Variants in PFKM observed in about 807,000 individuals in gnomAD.
PFKM encodes the protein phosphofructokinase, muscle.
A neutral mutation model predicts 95.5 loss-of-function variants in PFKM; 58 were observed. That is an observed-to-expected ratio of 0.61 (90% CI 0.49 to 0.76). PFKM has a LOEUF of 0.76. Among genes scored for constraint, PFKM ranks in the 30% least tolerant of loss-of-function variants. The pLI is 0.00. For synonymous variants in PFKM, 336 were observed against 357.2 expected, an observed-to-expected ratio of 0.94 and a Z score of 0.67; for missense variants, 678 against 1,005.4, an observed-to-expected ratio of 0.67 and a Z score of 4.40.
upstream of PFKM, chr12:48,119,161 G>A (rs2137753427): frequency 2.7e-6 from 1 of 374,846 alleles, no homozygotes. Context: ...GGGGAGTGAA[G>A]GAACTAAGCC....
Position 48,145,848 on chromosome 12 carries a change from GC to G in PFKM, c.*142del. On this transcript the variant is annotated 3_prime_UTR_variant, in exon 23 of 23. Coordinates refer to ENST00000359794, the MANE Select transcript of PFKM (RefSeq NM_000289.6). The surrounding 1 kb of genome is among the most constrained non-coding windows in gnomAD (Gnocchi z 4.3). Reference sequence around the variant, plus strand: ...TACCTTGCAGCCATGACCAGTTCTGGCCAGGAGCTGGAGGAGCAGGCAGTGG... The same window carrying G: ...TACCTTGCAGCCATGACCAGTTCTGGCAGGAGCTGGAGGAGCAGGCAGTGG... 3 of 902,226 alleles carry G rather than the reference GC, an allele frequency of 3.3e-6. No individual in the cohort carries two copies. Among genetic ancestry groups the G allele is most frequent in the Non-Finnish European group, 5.2e-6 (3 of 576,702 alleles). 55.9% of individuals were successfully genotyped at this position (902,226 alleles called of 1,614,324 possible).
chr12:48,128,463 A>G (rs1455608781), intron 2 of PFKM, among the ~76,000 whole-genome samples: 1 of 152,128 alleles, frequency 6.6e-6, no homozygotes, highest in Non-Finnish European at 1.5e-5. Context: ...CTTGAAGACC[A>G]TTACCAAGTC....
intron 1 of PFKM, chr12:48,119,872 C>T (rs980254847): frequency 6.6e-6 from 1 of 152,200 alleles, no homozygotes; most frequent in East Asian, 1.9e-4. Context: ...TTTCTGTGTC[C>T]TGTGCCTCTA....
At chr12:48,107,434 G>T (rs1443786102) in exon 2 of PFKM, 1 of 1,597,596 alleles carries the variant, frequency 6.3e-7, no homozygotes, top group East Asian at 2.2e-5. Flanking sequence ...TCGCCAGTTA[G>T]TCAGGACTCC....
chr12:48,134,894 AC>A, intron 8 of PFKM, 48 bp from the exon 9 acceptor site: 2 of 1,588,064 alleles, frequency 1.3e-6, no homozygotes, highest in Non-Finnish European at 1.7e-6. Flanking sequence ...TCTCTTTCCC[AC>A]CCATCAGCTT....
intron 1 of PFKM, chr12:48,119,650 G>A (rs1948013531): frequency 6.6e-6 from 1 of 152,244 alleles, no homozygotes; most frequent in African/African-American, 2.4e-5. Flanking sequence ...GGGTGGGTGG[G>A]GCTCGGACGG....
chr12:48,143,537 T>C (rs148403299), intron 18 of PFKM, among the ~76,000 whole-genome samples: 1 of 152,352 alleles, frequency 6.6e-6, no homozygotes, highest in East Asian at 1.9e-4. Context: ...CTGTCTGTAG[T>C]GCTCCCTCTT....
At chr12:48,118,382 A>G (rs1947860216), upstream of PFKM, 1 of 669,046 alleles carries the variant, frequency 1.5e-6, no homozygotes. Context: ...TTGTCTTTCC[A>G]CTTTCTTGAT....
intron 17 of PFKM, 21 bp downstream of exon 17, chr12:48,142,087 C>G (rs779365403): frequency 1.2e-6 from 2 of 1,612,442 alleles, no homozygotes; most frequent in Non-Finnish European, 1.7e-6. Flanking sequence ...ATCACCACTT[C>G]CCATCCCTTT....
chr12:48,135,473 C>A, intron 10 of PFKM, 90 bp downstream of exon 10: 1 of 894,460 alleles, frequency 1.1e-6, no homozygotes, highest in South Asian at 1.4e-5. Flanking sequence ...CAGACAGGGA[C>A]TTACATCACT....
At chr12:48,135,767 A>T (rs755742307) in intron 10 of PFKM, among the ~76,000 whole-genome samples, 1 of 152,166 alleles carries the variant, frequency 6.6e-6, no homozygotes, top group African/African-American at 2.4e-5. Flanking sequence ...GTACAATATC[A>T]TCACCAGGAT....
intron 2 of PFKM, among the ~76,000 whole-genome samples, chr12:48,124,993 G>C (rs907981149): frequency 6.6e-6 from 1 of 152,122 alleles, no homozygotes; most frequent in Non-Finnish European, 1.5e-5. Flanking sequence ...GTGAGATTGA[G>C]CTGTGTAAAA....
At chr12:48,111,313 T>C (rs1947167377) in intron 3 of PFKM, among the ~76,000 whole-genome samples, 1 of 152,202 alleles carries the variant, frequency 6.6e-6, no homozygotes, top group Admixed American at 6.5e-5. Flanking sequence ...GCATTGCCCA[T>C]GCCCCCTGCT....
At position 48,141,791 on chromosome 12, in the gene PFKM, TA is replaced by T; in HGVS notation, c.1466del (p.Asn489ThrfsTer20). 6.2e-7 allele frequency: 1 copy of T among 1,614,026 alleles called. No individual in the cohort carries two copies. Among genetic ancestry groups the T allele is most frequent in the Non-Finnish European group, 8.5e-7 (1 of 1,179,914 alleles). On this transcript the variant is annotated frameshift_variant, in exon 16 of 23. Coordinates refer to ENST00000359794, the MANE Select transcript of PFKM (RefSeq NM_000289.6). LOFTEE classifies it high-confidence loss of function. ...EQISANITKF[N>X]IQGLVIIGGF... is the part of the protein sequence containing the mutation. ...AGATCAGTGCCAATATAACTAAGTT[TA>T]ACATTCAGGGCCTTGTCATCATTGG...
At position 48,140,792 on chromosome 12, in the gene PFKM, C is replaced by T. The variant is rs754310566; in HGVS notation, c.1262C>T (p.Ser421Phe). 2 of 1,614,204 alleles carry T rather than the reference C, an allele frequency of 1.2e-6. No homozygotes were observed. Among genetic ancestry groups the T allele is most frequent in the Non-Finnish European group, 1.7e-6 (2 of 1,180,024 alleles). Residue 421 changes from serine to phenylalanine, a missense_variant, in exon 14 of 23, where the codon TCC (serine) becomes TTC (phenylalanine). Coordinates refer to ENST00000359794, the MANE Select transcript of PFKM (RefSeq NM_000289.6). ...GCAGGCATGAATGCTGCTGTTCGCT[C>T]CACTGTGAGGATTGGCCTTATCCAG... ...PAAGMNAAVR[S>F]TVRIGLIQGN...
chr12:48,116,021 T>C (rs1947639365), upstream of PFKM, among the ~76,000 whole-genome samples: 3 of 152,202 alleles, frequency 2.0e-5, no homozygotes, highest in Admixed American at 2.0e-4. Flanking sequence ...AAATTTCCAC[T>C]GCAGCTGCAC....
At chr12:48,116,026 C>G (rs1052055716), upstream of PFKM, among the ~76,000 whole-genome samples, 1 of 152,164 alleles carries the variant, frequency 6.6e-6, no homozygotes, top group Non-Finnish European at 1.5e-5. Flanking sequence ...TCCACTGCAG[C>G]TGCACCACTT....
chr12:48,123,856 CTACT>C (rs1948547256), intron 2 of PFKM, among the ~76,000 whole-genome samples: 1 of 152,306 alleles, frequency 6.6e-6, no homozygotes, highest in Admixed American at 6.5e-5. Context: ...CAAGTGGAAT[CTACT>C]TACATAATGA....
rs1395601504 is a variant in PFKM at position 48,145,400 on chromosome 12, CT to C, written c.2198+97del. 0.07 allele frequency: 67,473 copies of C among 961,808 alleles called. 30 individuals are homozygous for C. Among genetic ancestry groups the C allele is most frequent in the Non-Finnish European group, 0.074 (49,750 of 670,694 alleles). The allele number at this position is 961,808 out of a possible 1,614,324, so 59.6% of individuals were successfully genotyped here. A position where few individuals can be genotyped will look rare whatever the true frequency, so the allele number is the denominator to read the frequency against. On this transcript the variant is annotated intron_variant, in intron 22 of 22. Coordinates refer to ENST00000359794, the MANE Select transcript of PFKM (RefSeq NM_000289.6). The surrounding 1 kb of genome is among the most constrained non-coding windows in gnomAD (Gnocchi z 4.3). ...CTCAACCTGTTCACTGTCTTTAATT[CT>C]TTTTTTTTTTTAAGGAGTAACACCT...
Sources: gnomAD v4.1 joint callset for allele counts (sites outside exome capture counted in the v4.1 genomes callset) on GRCh38, gnomAD v4.1.1 for gene constraint, Gnocchi (gnomAD v3.1) non-coding constraint, MANE v1.5 for transcripts, NCBI Gene and HGNC (gene_info 2026-07-23, HGNC 2026-07-21) for gene names.